MICU3: variants seen among roughly 807,000 people sequenced by gnomAD.
The protein encoded by MICU3 is calcium uptake protein 3, mitochondrial.
Under a neutral mutation model 66.5 loss-of-function variants are expected in MICU3, and 62 were observed. The ratio of observed to expected loss-of-function variants is 0.93; its 90% CI spans 0.76 to 1.15. The LOEUF (loss-of-function observed/expected upper bound fraction) is 1.15. Ranked by LOEUF, MICU3 falls within the 50% of genes most tolerant of loss-of-function variation. The pLI is 0.00. For synonymous variants in MICU3, 308 were observed against 240.7 expected (o/e 1.28, Z -2.59); for missense variants, 779 against 664.4 (o/e 1.17, Z -1.90).
chr8:17,104,702 A>G (rs913999827), intron 10 of MICU3, among the ~76,000 whole-genome samples: 12 of 151,700 alleles, frequency 7.9e-5, no homozygotes, highest in Non-Finnish European at 1.5e-4. Flanking sequence ...TTTTTTAAAA[A>G]TTCCAGATAT....
At chr8:17,126,624 T>C (rs181005321), downstream of MICU3, among the ~76,000 whole-genome samples, 1 of 152,212 alleles carries the variant, frequency 6.6e-6, no homozygotes, top group African/African-American at 2.4e-5. Context: ...GTTTACTTTT[T>C]AAGAAAAGCA....
the MICU3 span, among the ~76,000 whole-genome samples, chr8:17,133,390 T>G: frequency 2.0e-5 from 3 of 152,202 alleles, no homozygotes; most frequent in Non-Finnish European, 4.4e-5. Flanking sequence ...GCCACATATA[T>G]TTTTTTAAAT....
chr8:17,082,655 A>T (rs1049636123), intron 5 of MICU3, among the ~76,000 whole-genome samples: 49 of 152,304 alleles, frequency 3.2e-4, no homozygotes, highest in African/African-American at 1.2e-3. Flanking sequence ...AAAGGAATAC[A>T]TGAAAGAATA....
At position 17,087,051 on chromosome 8, in the gene MICU3, A is replaced by G. The variant is rs1799550620; in HGVS notation, c.849+16A>G. ...TGCAATGCTGGTAAGAATACTTTAT[A>G]GTAGCTTTAGGTGGCTTTTGTAGGC... On this transcript the variant is annotated intron_variant, in intron 7 of 14. Transcript: ENST00000318063. The G allele has an allele frequency of 1.9e-6, 3 of 1,550,726 alleles. No individual in the cohort carries two copies. The highest frequency in any genetic ancestry group is 2.7e-6 in the Non-Finnish European group (3 of 1,126,676).
intron 2 of MICU3, among the ~76,000 whole-genome samples, chr8:17,067,901 A>G (rs1050444284): frequency 7.8e-6 from 1 of 128,656 alleles, no homozygotes; most frequent in Non-Finnish European, 1.6e-5. Flanking sequence ...AAAATTATAG[A>G]TCAAATAAAT....
At chr8:17,043,829 A>G (rs1177625260) in intron 1 of MICU3, among the ~76,000 whole-genome samples, 2 of 152,210 alleles carry the variant, frequency 1.3e-5, no homozygotes, top group Non-Finnish European at 2.9e-5. Flanking sequence ...CAAAGTCAAG[A>G]CGTCCTATTT....
At chr8:17,077,234 T>C (rs1321013494) in intron 3 of MICU3, among the ~76,000 whole-genome samples, 4 of 152,200 alleles carry the variant, frequency 2.6e-5, no homozygotes, top group Admixed American at 6.6e-5. Flanking sequence ...AGTACCCTTG[T>C]CTTTCTGCTT....
In MICU3 at chr8:17,031,704, A is replaced by G. The variant is rs141223003; in HGVS notation, c.381+4044A>G. ...TTAAGTATAATATGCTGCTGAGCAT[A>G]AGCCTGGCGTGTAAATTAACCTGTA... On this transcript the variant is annotated intron_variant, in intron 1 of 14. Transcript: ENST00000318063. Among the ~76,000 whole-genome samples the G allele has an allele frequency of 2.1e-4, 32 of 152,312 alleles. No individual in the cohort carries two copies. The East Asian group carries it at 3.3e-3, about 16-fold the overall frequency.
chr8:17,041,789 G>A (rs1267926199), intron 1 of MICU3, among the ~76,000 whole-genome samples: 2 of 152,178 alleles, frequency 1.3e-5, no homozygotes, highest in Non-Finnish European at 2.9e-5. Context: ...CAGGAGGATG[G>A]AATGCAAGGA....
intron 3 of MICU3, among the ~76,000 whole-genome samples, chr8:17,074,590 C>CATGTGTGTGT (rs1359381863): frequency 1.4e-5 from 2 of 141,944 alleles, no homozygotes; most frequent in African/African-American, 5.1e-5. Context: ...GATGTTAAAA[C>CATGTGTGTGT]GTGTGTGTGT....
chr8:17,080,136 T>G (rs576634076), intron 4 of MICU3, among the ~76,000 whole-genome samples: 1 of 152,268 alleles, frequency 6.6e-6, no homozygotes, highest in East Asian at 1.9e-4. Context: ...AGAGTTAGTT[T>G]TATAGTATTC....
intron 1 of MICU3, among the ~76,000 whole-genome samples, chr8:17,044,478 A>AT (rs531193475): frequency 1.6e-3 from 237 of 150,774 alleles, no homozygotes; most frequent in African/African-American, 5.3e-3. Flanking sequence ...GGAATTAAAA[A>AT]TTTTTTTTTT....
chr8:17,134,763 T>G, the MICU3 span, among the ~76,000 whole-genome samples: 1 of 152,126 alleles, frequency 6.6e-6, no homozygotes, highest in Non-Finnish European at 1.5e-5. Context: ...CTTTTTGTTC[T>G]CTTCAGACTT....
At chr8:17,053,643 G>A (rs2150578443) in intron 1 of MICU3, among the ~76,000 whole-genome samples, 1 of 152,158 alleles carries the variant, frequency 6.6e-6, no homozygotes, top group East Asian at 1.9e-4. Context: ...TCTTAGTTCT[G>A]TCAACATGAC....
chr8:17,046,155 CAG>C (rs1400956597), intron 1 of MICU3, among the ~76,000 whole-genome samples: 1 of 152,206 alleles, frequency 6.6e-6, no homozygotes, highest in African/African-American at 2.4e-5. Context: ...GCTAGTCAGT[CAG>C]AAGTTCTGGA....
chr8:17,115,354 T>G (rs917971993), intron 12 of MICU3, among the ~76,000 whole-genome samples: 4 of 152,214 alleles, frequency 2.6e-5, no homozygotes, highest in Admixed American at 6.5e-5. Flanking sequence ...TTTTAGTGTT[T>G]TAAAGCCAAA....
Position 17,027,513 on chromosome 8 carries a change from C to G in MICU3, c.234C>G (p.Val78=), listed in dbSNP as rs1412463075. 1.6e-6 allele frequency: 2 copies of G among 1,283,230 alleles called. No individual in the cohort carries two copies. The highest frequency in any genetic ancestry group is 3.1e-5 in the East Asian group (1 of 32,068). 79.5% of individuals were successfully genotyped at this position (1,283,230 alleles called of 1,614,324 possible). ...SVAAAAGGGL[V]GLVCYQLYGD... ...CGGCGGCGGCCGGCGGGGGGCTGGT[C>G]GGCCTGGTATGCTACCAGCTGTACG... Residue 78 remains valine (V), a synonymous_variant, in exon 1 of 15, where the codon GTC becomes GTG. Coordinates refer to ENST00000318063, the MANE Select transcript of MICU3 (RefSeq NM_181723.3).
intron 1 of MICU3, among the ~76,000 whole-genome samples, chr8:17,062,192 C>G (rs12545879): frequency 0.069 from 10,439 of 152,256 alleles, 558 homozygotes; most frequent in East Asian, 0.25. Context: ...GCTGTAGAAA[C>G]TCCACATGTT....
chr8:17,050,325 T>C (rs1815846926), intron 1 of MICU3, among the ~76,000 whole-genome samples: 1 of 151,660 alleles, frequency 6.6e-6, no homozygotes, highest in Non-Finnish European at 1.5e-5. Context: ...GTATATATTT[T>C]ATTTAATATT....
Sources: gnomAD v4.1 joint callset for allele counts (sites outside exome capture counted in the v4.1 genomes callset) on GRCh38, gnomAD v4.1.1 for gene constraint, MANE v1.5 for transcripts, NCBI Gene and HGNC (gene_info 2026-07-23, HGNC 2026-07-21) for gene names.